Variants in MAP3K4 observed in about 807,000 individuals in gnomAD.
The protein encoded by MAP3K4 is mitogen-activated protein kinase kinase kinase 4, also known as MAP three kinase 1.
MAP3K4 carries 67 observed loss-of-function variants against 185.6 expected under a neutral mutation model. The ratio of observed to expected loss-of-function variants is 0.36; its 90% confidence interval spans 0.30 to 0.44. The LOEUF is 0.44. Among genes scored for constraint, MAP3K4 ranks in the 20% least tolerant of loss-of-function variants. The pLI is 1.00. For synonymous variants in MAP3K4, 702 were observed against 710.4 expected (o/e 0.99, Z 0.19); for missense variants, 1,551 against 1,995.1 (o/e 0.78, Z 4.24).
intron 25 of MAP3K4, among the ~76,000 whole-genome samples, chr6:161,113,485 T>A (rs956628846): frequency 6.6e-6 from 1 of 152,186 alleles, no homozygotes; most frequent in African/African-American, 2.4e-5. Context: ...ACCCATAGAA[T>A]GTGCAACAGA....
chr6:161,080,844 A>G lies in MAP3K4; in HGVS notation c.2098-37A>G, dbSNP rs780107888. 2.2e-5 allele frequency: 36 copies of G among 1,601,364 alleles called. No individual in the cohort carries two copies. In the African/African-American group the frequency reaches 4.3e-4, roughly 19 times the overall value. ...TGAGAGCGCTGAGTTGCCAAGTTCT[A>G]CTTTCAAATGTCTCCCTTTACTTTT... is the stretch of plus-strand genomic sequence containing the variant. On this transcript the variant is annotated intron_variant, in intron 5 of 26. Transcript: ENST00000392142. The surrounding 1 kb of genome is among the most constrained non-coding windows in gnomAD (Gnocchi z 4.8).
chr6:161,045,206 A>G (rs1013204098), intron 2 of MAP3K4, among the ~76,000 whole-genome samples: 2 of 151,648 alleles, frequency 1.3e-5, no homozygotes, highest in African/African-American at 2.4e-5. Context: ...TCCAAAACCA[A>G]CTTGGGTTTT....
chr6:161,097,287 T>A lies in MAP3K4; in HGVS notation c.3524+111T>A. On this transcript the variant is annotated intron_variant, in intron 16 of 26. Transcript: ENST00000392142. The surrounding 1 kb of genome is among the most constrained non-coding windows in gnomAD (Gnocchi z 4.9). ...CTGAGAGCTAAATACCTTTTCTGCA[T>A]TGTTCGTACGTAAAAGCTCTTACTT... 1.2e-6 allele frequency: 1 copy of A among 856,980 alleles called. No homozygotes were observed. The highest frequency in any genetic ancestry group is 2.2e-5 in the Admixed American group (1 of 45,158). 53.1% of individuals were successfully genotyped at this position (856,980 alleles called of 1,614,324 possible).
rs9355870 is a variant in MAP3K4, at chr6:161,074,626, A to G, written c.2097+1014A>G. 0.21 allele frequency among the ~76,000 whole-genome samples: 32,513 copies of G among 152,188 alleles called. 4,781 individuals carry two copies. Among genetic ancestry groups the G allele is most frequent in the African/African-American group, 0.42 (17,254 of 41,498 alleles). The stretch of plus-strand genomic sequence containing the variant: ...ATAACTTGAAATTCTCTTGTTTTCC[A>G]TAGTATCTGATAGTGTTCATGTATC... On this transcript the variant is annotated intron_variant, in intron 5 of 26. Coordinates refer to ENST00000392142, the MANE Select transcript of MAP3K4 (RefSeq NM_005922.4). The surrounding 1 kb of genome is among the most constrained non-coding windows in gnomAD (Gnocchi z 5.0).
chr6:161,033,391 T>C (rs900283804), intron 1 of MAP3K4, among the ~76,000 whole-genome samples: 5 of 152,214 alleles, frequency 3.3e-5, no homozygotes, highest in African/African-American at 4.8e-5. Context: ...CTTTGAGAAA[T>C]TGAACTTTGT....
chr6:161,015,212 A>G (rs913273740), intron 1 of MAP3K4, among the ~76,000 whole-genome samples: 1 of 152,140 alleles, frequency 6.6e-6, no homozygotes, highest in Non-Finnish European at 1.5e-5. Flanking sequence ...AAACTAACAC[A>G]GGAACGGAAA....
chr6:161,075,730 G>A lies in MAP3K4; in HGVS notation c.2097+2118G>A, dbSNP rs575017709. 2.6e-5 allele frequency among the ~76,000 whole-genome samples: 4 copies of A among 152,290 alleles called. No homozygotes were observed. The highest frequency in any genetic ancestry group is 9.6e-5 in the African/African-American group (4 of 41,558). ...GTGTGATAGTGGAAGTCTAGGCTAA[G>A]TGACTTACCAACATTCACAGCTGGT... On this transcript the variant is annotated intron_variant, in intron 5 of 26. Transcript: ENST00000392142. The surrounding 1 kb of genome is among the most constrained non-coding windows in gnomAD (Gnocchi z 4.3).
Position 160,991,849 on chromosome 6 carries a change from C to G in MAP3K4, c.-83C>G. ...GGTAGAGGCGGAGGCGGAGTCGAGT[C>G]ACTCCCGCACTTCGGGGCTCCGGTG... On this transcript the variant is annotated 5_prime_UTR_variant, in exon 1 of 27. Transcript: ENST00000392142. The surrounding 1 kb of genome is among the most constrained non-coding windows in gnomAD (Gnocchi z 5.7). The G allele has an allele frequency of 5.8e-6, 8 of 1,382,748 alleles. No individual in the cohort carries two copies. The highest frequency in any genetic ancestry group is 7.4e-6 in the Non-Finnish European group (8 of 1,074,428). The allele number at this position is 1,382,748 out of a possible 1,614,324, so 85.7% of individuals were successfully genotyped here.
intron 1 of MAP3K4, among the ~76,000 whole-genome samples, chr6:161,014,283 T>C (rs1011701076): frequency 3.3e-5 from 5 of 152,104 alleles, no homozygotes; most frequent in African/African-American, 9.7e-5. Flanking sequence ...TTATATCTTA[T>C]GTACCTGGTT....
intron 1 of MAP3K4, among the ~76,000 whole-genome samples, chr6:160,994,268 A>G (rs1780889045): frequency 6.6e-6 from 1 of 152,068 alleles, no homozygotes; most frequent in South Asian, 2.1e-4. Context: ...ACTGTACCAA[A>G]TATGTAGTCT....
At chr6:161,013,235 C>T (rs565202123) in intron 1 of MAP3K4, among the ~76,000 whole-genome samples, 8 of 152,104 alleles carry the variant, frequency 5.3e-5, no homozygotes, top group Admixed American at 2.0e-4. Flanking sequence ...ATTTAGGTGG[C>T]GGGACAGTTT....
chr6:161,095,794 C>A (rs1016591274), intron 15 of MAP3K4, among the ~76,000 whole-genome samples: 2 of 152,188 alleles, frequency 1.3e-5, no homozygotes, highest in African/African-American at 2.4e-5. Context: ...TTTGAACATC[C>A]ATTTTGCTTA....
In MAP3K4 at chr6:161,070,908, A is replaced by G; in HGVS notation, c.1950+58A>G. ...AATTATTATATTATCCTACAGGCTT[A>G]TCATTTTTATTTTGAGAGTTCCTTT... On this transcript the variant is annotated intron_variant, in intron 4 of 26. Coordinates refer to ENST00000392142, the MANE Select transcript of MAP3K4 (RefSeq NM_005922.4). This position sits in a 1 kb window ranked among gnomAD's most constrained non-coding sequence, Gnocchi z 4.5. 4 of 1,423,306 alleles carry G rather than the reference A, an allele frequency of 2.8e-6. No homozygotes were observed. Among genetic ancestry groups the G allele is most frequent in the Non-Finnish European group, 3.7e-6 (4 of 1,074,916 alleles). 88.2% of individuals were successfully genotyped at this position (1,423,306 alleles called of 1,614,324 possible).
intron 2 of MAP3K4, among the ~76,000 whole-genome samples, chr6:161,041,954 C>T (rs1363338326): frequency 1.1e-4 from 13 of 119,426 alleles, no homozygotes; most frequent in African/African-American, 3.0e-4. Flanking sequence ...GATGGGGTCT[C>T]GCTATGTTGC....
intron 13 of MAP3K4, 40 bp downstream of exon 13, chr6:161,092,183 G>T: frequency 6.2e-7 from 1 of 1,610,794 alleles, no homozygotes; most frequent in Non-Finnish European, 8.5e-7. Flanking sequence ...GTGTCATGTG[G>T]GCTTGGTGGT....
In MAP3K4 at chr6:161,082,697, T is replaced by C. The variant is rs1270541662; in HGVS notation, c.2255+1659T>C. On this transcript the variant is annotated intron_variant, in intron 6 of 26. Transcript: ENST00000392142. This position sits in a 1 kb window ranked among gnomAD's most constrained non-coding sequence, Gnocchi z 4.2. Reference sequence around the variant, plus strand: ...CCTGCACACACTACCTCGACTCTTTTTGGGTGCCCTTTGAGGGTATATCCA... The same window carrying C: ...CCTGCACACACTACCTCGACTCTTTCTGGGTGCCCTTTGAGGGTATATCCA... Among the ~76,000 whole-genome samples the C allele has an allele frequency of 6.6e-6, 1 of 152,156 alleles. No homozygotes were observed. Among genetic ancestry groups the C allele is most frequent in the South Asian group, 2.1e-4 (1 of 4,826 alleles).
rs1778563379 is a variant in MAP3K4, at chr6:161,115,747, GC to G, written c.4806+447del. 6.6e-6 allele frequency among the ~76,000 whole-genome samples: 1 copy of G among 152,094 alleles called. No individual in the cohort carries two copies. Among genetic ancestry groups the G allele is most frequent in the Non-Finnish European group, 1.5e-5 (1 of 68,014 alleles). On this transcript the variant is annotated intron_variant, in intron 26 of 26. Transcript: ENST00000392142. This position sits in a 1 kb window ranked among gnomAD's most constrained non-coding sequence, Gnocchi z 6.0. The stretch of plus-strand genomic sequence containing the variant: ...GTACCTTAGTTGTTTAAGAGCCACA[GC>G]CAGGTCAGAAGTGGGGGAGGGGGCA...
rs1334040256 is a variant in MAP3K4 at position 161,054,832 on chromosome 6, G to A, written c.1707+4853G>A. Among the ~76,000 whole-genome samples the A allele has an allele frequency of 6.6e-6, 1 of 152,166 alleles. No individual in the cohort carries two copies. Among genetic ancestry groups the A allele is most frequent in the African/African-American group, 2.4e-5 (1 of 41,442 alleles). ...TGTAACTGAACTAATAATACCAGCT[G>A]CAGTTTTATCCTGGCTGTAAGGACT... On this transcript the variant is annotated intron_variant, in intron 3 of 26. Coordinates refer to ENST00000392142, the MANE Select transcript of MAP3K4 (RefSeq NM_005922.4). This position sits in a 1 kb window ranked among gnomAD's most constrained non-coding sequence, Gnocchi z 4.2.
At position 161,070,496 on chromosome 6, in the gene MAP3K4, G is replaced by T. The variant is rs1583193144; in HGVS notation, c.1708-112G>T. On this transcript the variant is annotated intron_variant, in intron 3 of 26. Coordinates refer to ENST00000392142, the MANE Select transcript of MAP3K4 (RefSeq NM_005922.4). This position sits in a 1 kb window ranked among gnomAD's most constrained non-coding sequence, Gnocchi z 4.5. ...AAATATTCTTTTCCCTGTAAAATTAGAATTTTTGTAGATTTGTTAGCACAT... is the reference window on the plus strand; with the variant it reads ...AAATATTCTTTTCCCTGTAAAATTATAATTTTTGTAGATTTGTTAGCACAT... 1.3e-6 allele frequency: 1 copy of T among 777,528 alleles called. No individual in the cohort carries two copies. The highest frequency in any genetic ancestry group is 1.9e-6 in the Non-Finnish European group (1 of 513,100). The allele number at this position is 777,528 out of a possible 1,614,324, so 48.2% of individuals were successfully genotyped here. A position where few individuals can be genotyped will look rare whatever the true frequency, so the allele number is the denominator to read the frequency against.
Sources: gnomAD v4.1 joint callset for allele counts (sites outside exome capture counted in the v4.1 genomes callset) on GRCh38, gnomAD v4.1.1 for gene constraint, Gnocchi (gnomAD v3.1) non-coding constraint, MANE v1.5 for transcripts, NCBI Gene and HGNC (gene_info 2026-07-23, HGNC 2026-07-21) for gene names.